Variants in SYNPO2 observed in about 807,000 individuals in gnomAD.
SYNPO2 encodes the protein synaptopodin 2, also known as synaptopodin-2.
In SYNPO2, 56 loss-of-function variants were observed where a neutral mutation model predicts 85.0. The observed-to-expected ratio is 0.66, with a 90% CI of 0.53 to 0.82. SYNPO2 has a LOEUF of 0.82. Ranked by LOEUF, SYNPO2 falls within the 40% of genes least tolerant of loss-of-function variation. SYNPO2 has a pLI of 0.00. For synonymous variants in SYNPO2, 602 were observed against 591.1 expected, an observed-to-expected ratio of 1.02 and a Z score of -0.27; for missense variants, 1,575 against 1,534.2, an observed-to-expected ratio of 1.03 and a Z score of -0.44.
chr4:119,060,726 C>T lies in SYNPO2; in HGVS notation c.*2792C>T, dbSNP rs964971182. On this transcript the variant is annotated 3_prime_UTR_variant, in exon 5 of 5. Coordinates refer to ENST00000307142, the MANE Select transcript of SYNPO2 (RefSeq NM_133477.3). ...TTTTACTGTGGATTAAAAAGCCTTC[C>T]CTAAAAAGAGAGCATGCCAGTCATA... 1 of 152,062 alleles carries T rather than the reference C, an allele frequency of 6.6e-6. No individual in the cohort carries two copies. The highest frequency in any genetic ancestry group is 1.9e-4 in the East Asian group (1 of 5,200). 9.4% of individuals were successfully genotyped at this position (152,062 alleles called of 1,614,324 possible).
chr4:118,861,510 G>T (rs1451433317), intron 1 of SYNPO2, among the ~76,000 whole-genome samples: 1 of 152,012 alleles, frequency 6.6e-6, no homozygotes, highest in African/African-American at 2.4e-5. Context: ...ATTTTGATTT[G>T]ATTTTGGTGT....
intron 1 of SYNPO2, among the ~76,000 whole-genome samples, chr4:119,013,923 G>T (rs1478228416): frequency 6.6e-6 from 1 of 152,166 alleles, no homozygotes; most frequent in Non-Finnish European, 1.5e-5. Context: ...TACAACTTTA[G>T]AAACTACTGC....
intron 1 of SYNPO2, among the ~76,000 whole-genome samples, chr4:118,926,620 A>G (rs1733719980): frequency 6.6e-6 from 1 of 152,188 alleles, no homozygotes; most frequent in Non-Finnish European, 1.5e-5. Context: ...AACACACAGC[A>G]ACCCTGAGAG....
intron 1 of SYNPO2, among the ~76,000 whole-genome samples, chr4:118,878,924 T>G (rs1273129554): frequency 2.0e-5 from 3 of 152,220 alleles, no homozygotes; most frequent in Admixed American, 6.5e-5. Flanking sequence ...ATCCTACTGC[T>G]GTTCAGTTTT....
At chr4:119,012,881 G>C (rs1737380677) in intron 1 of SYNPO2, among the ~76,000 whole-genome samples, 2 of 152,170 alleles carry the variant, frequency 1.3e-5, no homozygotes, top group South Asian at 4.2e-4. Context: ...TCTGGTTTCT[G>C]TCAGCCTTTG....
At chr4:118,960,995 C>G (rs189648961) in intron 1 of SYNPO2, among the ~76,000 whole-genome samples, 78 of 152,178 alleles carry the variant, frequency 5.1e-4, no homozygotes, top group African/African-American at 1.4e-3. Flanking sequence ...AGTTCTTATC[C>G]CTCCATGCCT....
Position 118,878,049 on chromosome 4 carries a change from G to A in SYNPO2, c.12+27109G>A, listed in dbSNP as rs529784949. Reference sequence around the variant, plus strand: ...GCCATAAAAAGAATGAGATTATGTCGTTTGCAGCAACATGGATGGAGTTGG... The same window carrying A: ...GCCATAAAAAGAATGAGATTATGTCATTTGCAGCAACATGGATGGAGTTGG... On this transcript the variant is annotated intron_variant, in intron 1 of 4. Transcript: ENST00000610556. 1.1e-4 allele frequency among the ~76,000 whole-genome samples: 17 copies of A among 152,238 alleles called. No homozygotes were observed. In the South Asian group the frequency reaches 1.5e-3, roughly 13 times the overall value.
chr4:119,031,679 AC>A lies in SYNPO2; in HGVS notation c.2906del (p.Pro969ArgfsTer34). ...ATGCATTAGATGTCATGAAGCACCA[AC>A]CGTATCAGCTCAATGCATCCTTGTT... is the stretch of plus-strand genomic sequence containing the variant. The part of the protein sequence containing the change: ...LNALDVMKHQ[P>X]YQLNASLFTF... On this transcript the variant is annotated frameshift_variant, in exon 4 of 5. Transcript: ENST00000307142. LOFTEE classifies it high-confidence loss of function. The A allele has an allele frequency of 1.2e-6, 2 of 1,614,126 alleles. No homozygotes were observed. Among genetic ancestry groups the A allele is most frequent in the Non-Finnish European group, 1.7e-6 (2 of 1,180,020 alleles).
intron 1 of SYNPO2, among the ~76,000 whole-genome samples, chr4:118,951,028 G>A (rs1447177779): frequency 6.6e-6 from 1 of 152,196 alleles, no homozygotes; most frequent in African/African-American, 2.4e-5. Flanking sequence ...AACTTGTTGG[G>A]AGGAGGCAGA....
Position 118,889,071 on chromosome 4 carries a change from CT to C in SYNPO2, c.36del (p.Gly13GlufsTer64). ...GTGDFICISM[T>X]GGAPWGFRLQ... Reference sequence around the variant, plus strand: ...GGGGATTTTATCTGCATTTCCATGACTGGAGGGGCGCCCTGGGGGTTCAGAT... The same window carrying C: ...GGGGATTTTATCTGCATTTCCATGACGGAGGGGCGCCCTGGGGGTTCAGAT... On this transcript the variant is annotated frameshift_variant, in exon 1 of 5. Transcript: ENST00000307142. LOFTEE classifies it high-confidence loss of function. 6.2e-7 allele frequency: 1 copy of C among 1,614,128 alleles called. No homozygotes were observed. Among genetic ancestry groups the C allele is most frequent in the Non-Finnish European group, 8.5e-7 (1 of 1,180,014 alleles).
At chr4:118,906,502 T>C (rs1001567005) in intron 1 of SYNPO2, among the ~76,000 whole-genome samples, 3 of 152,188 alleles carry the variant, frequency 2.0e-5, no homozygotes, top group African/African-American at 7.2e-5. Context: ...GATTTTAAGG[T>C]TCTTTTTGAT....
At chr4:118,926,590 A>T (rs890984392) in intron 1 of SYNPO2, among the ~76,000 whole-genome samples, 1 of 152,178 alleles carries the variant, frequency 6.6e-6, no homozygotes, top group East Asian at 1.9e-4. Context: ...CTGGAGTTGT[A>T]TGGTGCAAAT....
chr4:118,978,263 A>G (rs547621666), intron 1 of SYNPO2, among the ~76,000 whole-genome samples: 1 of 152,326 alleles, frequency 6.6e-6, no homozygotes, highest in Admixed American at 6.5e-5. Context: ...CCCTCAAAGC[A>G]AGCATTTAAC....
chr4:118,976,437 G>C (rs1371156536), intron 1 of SYNPO2, among the ~76,000 whole-genome samples: 1 of 152,174 alleles, frequency 6.6e-6, no homozygotes, highest in Non-Finnish European at 1.5e-5. Context: ...AAGTGCAAAA[G>C]AACAAAGCTT....
intron 1 of SYNPO2, among the ~76,000 whole-genome samples, chr4:118,954,674 G>C (rs200915863): frequency 6.6e-6 from 1 of 152,094 alleles, no homozygotes; most frequent in African/African-American, 2.4e-5. Context: ...GTATCCTTCA[G>C]ATATAGATTT....
intron 1 of SYNPO2, among the ~76,000 whole-genome samples, chr4:118,892,338 A>T (rs1210862256): frequency 2.0e-5 from 3 of 152,316 alleles, no homozygotes; most frequent in African/African-American, 7.2e-5. Flanking sequence ...TTTAATTTAT[A>T]TTCTAAATAT....
At chr4:118,946,727 T>TTA (rs1335223840) in intron 1 of SYNPO2, among the ~76,000 whole-genome samples, 1 of 152,224 alleles carries the variant, frequency 6.6e-6, no homozygotes, top group Non-Finnish European at 1.5e-5. Flanking sequence ...AATAAAGTAC[T>TTA]TTAGTCTCCT....
chr4:118,880,605 G>T (rs2149110144), intron 1 of SYNPO2, among the ~76,000 whole-genome samples: 1 of 152,128 alleles, frequency 6.6e-6, no homozygotes, highest in East Asian at 1.9e-4. Flanking sequence ...AAAATTAGCT[G>T]GGCGTGGTGG....
At chr4:118,923,675 C>A (rs1463080323) in intron 1 of SYNPO2, among the ~76,000 whole-genome samples, 1 of 152,058 alleles carries the variant, frequency 6.6e-6, no homozygotes, top group Admixed American at 6.6e-5. Context: ...ATTAGCTGAC[C>A]TGTAGCATCT....
Sources: gnomAD v4.1 joint callset for allele counts (sites outside exome capture counted in the v4.1 genomes callset) on GRCh38, gnomAD v4.1.1 for gene constraint, MANE v1.5 for transcripts, NCBI Gene and HGNC (gene_info 2026-07-23, HGNC 2026-07-21) for gene names.